Variants in GDAP2 observed in about 807,000 individuals in gnomAD.
GDAP2 encodes the protein ganglioside induced differentiation associated protein 2.
A neutral mutation model predicts 67.0 loss-of-function variants in GDAP2; 51 were observed. The ratio of observed to expected loss-of-function variants is 0.76; its 90% CI spans 0.61 to 0.96. The LOEUF (loss-of-function observed/expected upper bound fraction) is 0.96, where lower values mean the gene tolerates loss of function less well. GDAP2 is among the 40% of genes least tolerant of loss of function. GDAP2 has a pLI of 0.00. For synonymous variants in GDAP2, 203 were observed against 207.3 expected (o/e 0.98, Z 0.18); for missense variants, 547 against 588.3 (o/e 0.93, Z 0.73).
At chr1:117,883,688 G>T (rs1648750082) in intron 10 of GDAP2, 61 bp from the exon 11 acceptor site, 5 of 1,272,704 alleles carry the variant, frequency 3.9e-6, no homozygotes, top group Admixed American at 2.2e-5. Context: ...ATTTCACAGA[G>T]ACCAAGAAAA....
chr1:117,888,577 T>C (rs1204593427), intron 8 of GDAP2, among the ~76,000 whole-genome samples: 1 of 152,160 alleles, frequency 6.6e-6, no homozygotes, highest in Non-Finnish European at 1.5e-5. Context: ...CAGTGCTTTT[T>C]CTACTATATC....
At chr1:117,873,313 C>T (rs1250229856) in intron 13 of GDAP2, among the ~76,000 whole-genome samples, 1 of 152,078 alleles carries the variant, frequency 6.6e-6, no homozygotes, top group Admixed American at 6.6e-5. Context: ...AAAATAGCTT[C>T]TGATTACCTT....
intron 5 of GDAP2, among the ~76,000 whole-genome samples, chr1:117,909,415 C>T (rs1649773795): frequency 6.6e-6 from 1 of 152,064 alleles, no homozygotes; most frequent in Non-Finnish European, 1.5e-5. Context: ...CTTAATATAT[C>T]TATCAAAAAC....
chr1:117,890,457 A>C (rs1285418049), intron 8 of GDAP2, among the ~76,000 whole-genome samples: 2 of 152,068 alleles, frequency 1.3e-5, no homozygotes, highest in Non-Finnish European at 1.5e-5. Context: ...CTCTGAAAAA[A>C]ATTTTTTTTA....
At chr1:117,924,690 C>T (rs1478285046) in intron 1 of GDAP2, among the ~76,000 whole-genome samples, 1 of 152,100 alleles carries the variant, frequency 6.6e-6, no homozygotes, top group Non-Finnish European at 1.5e-5. Context: ...GTAGGTTAAA[C>T]AATGATAAAT....
chr1:117,884,111 A>G (rs1648766154), intron 10 of GDAP2, among the ~76,000 whole-genome samples: 1 of 152,168 alleles, frequency 6.6e-6, no homozygotes. Context: ...AATTACTATA[A>G]AAAGATGTAA....
Position 117,906,487 on chromosome 1 carries a change from G to GC in GDAP2, c.636+18_636+19insG. On this transcript the variant is annotated intron_variant, in intron 6 of 13. Coordinates refer to ENST00000369443, the MANE Select transcript of GDAP2 (RefSeq NM_017686.4). ...AAGATAGAAATAAGATTTAAATAAC[G>GC]TAACAGTTAGCAAAATACCTCTTCA... The GC allele has an allele frequency of 7.6e-7, 1 of 1,308,904 alleles. No individual in the cohort carries two copies. The highest frequency in any genetic ancestry group is 1.8e-5 in the Admixed American group (1 of 54,402). The allele number at this position is 1,308,904 out of a possible 1,614,324, so 81.1% of individuals were successfully genotyped here. A position where few individuals can be genotyped will look rare whatever the true frequency, so the allele number is the denominator to read the frequency against.
Position 117,870,394 on chromosome 1 carries a change from A to G in GDAP2, c.*175T>C, listed in dbSNP as rs1648214517. On this transcript the variant is annotated 3_prime_UTR_variant, in exon 14 of 14. Coordinates refer to ENST00000369443, the MANE Select transcript of GDAP2 (RefSeq NM_017686.4). ...AAATGTGTGCAGTTCAGAATGGCCT[A>G]CCATTTTTAGATTGCTTATGTGCCA... 6.7e-6 allele frequency: 4 copies of G among 597,920 alleles called. No homozygotes were observed. Among genetic ancestry groups the G allele is most frequent in the African/African-American group, 1.9e-5 (1 of 52,872 alleles). 37.0% of individuals were successfully genotyped at this position (597,920 alleles called of 1,614,324 possible).
Position 117,906,546 on chromosome 1 carries a change from G to A in GDAP2, c.596C>T (p.Thr199Ile). The change falls in exon 6 of 14, where the codon ACC becomes ATC. Residue 199 changes from threonine (T) to isoleucine (I), a missense_variant. Transcript: ENST00000369443. The stretch of plus-strand genomic sequence containing the variant: ...GACAGCAAATACTACTTTTTCAATG[G>A]TTTCCCCATGAATCTCTAGGAATCT... ...VRRFLEIHGE[T>I]IEKVVFAVSD... The A allele has an allele frequency of 6.3e-7, 1 of 1,578,756 alleles. No individual in the cohort carries two copies. Among genetic ancestry groups the A allele is most frequent in the Non-Finnish European group, 8.7e-7 (1 of 1,150,990 alleles).
chr1:117,917,496 T>C (rs1650090239), intron 3 of GDAP2, among the ~76,000 whole-genome samples: 2 of 152,202 alleles, frequency 1.3e-5, no homozygotes, highest in Non-Finnish European at 2.9e-5. Context: ...ATTAGTTTTT[T>C]CCATCTCCAA....
At chr1:117,908,932 T>A (rs1054860648) in intron 5 of GDAP2, among the ~76,000 whole-genome samples, 3 of 152,228 alleles carry the variant, frequency 2.0e-5, no homozygotes, top group African/African-American at 7.2e-5. Context: ...AATATAATTA[T>A]ATTATTTCCT....
At chr1:117,915,883 T>C (rs1002413015) in intron 3 of GDAP2, among the ~76,000 whole-genome samples, 2 of 152,226 alleles carry the variant, frequency 1.3e-5, no homozygotes, top group East Asian at 3.9e-4. Context: ...GAACACACCA[T>C]GATTATCATT....
At chr1:117,923,124 T>C (rs1355434629) in intron 1 of GDAP2, among the ~76,000 whole-genome samples, 2 of 152,254 alleles carry the variant, frequency 1.3e-5, no homozygotes, top group African/African-American at 4.8e-5. Flanking sequence ...GTTATCTCCC[T>C]TGTTCCCTGC....
chr1:117,920,137 G>T, intron 2 of GDAP2, 45 bp downstream of exon 2: 1 of 1,102,080 alleles, frequency 9.1e-7, no homozygotes, highest in South Asian at 1.5e-5. Context: ...AATAAATTAT[G>T]AGAAAGTGTT....
intron 3 of GDAP2, among the ~76,000 whole-genome samples, chr1:117,917,157 A>G (rs2101161737): frequency 6.6e-6 from 1 of 152,120 alleles, no homozygotes; most frequent in East Asian, 1.9e-4. Context: ...AAACTTTAAT[A>G]TTCATCTCTG....
Position 117,903,920 on chromosome 1 carries a change from G to A in GDAP2, c.636+2586C>T, listed in dbSNP as rs1015053544. ...TGTATAAGGTAAAATCTCAGACTCT[G>A]AGTCTTCAGACAACAATATTCTAGG... On this transcript the variant is annotated intron_variant, in intron 6 of 13. Coordinates refer to ENST00000369443, the MANE Select transcript of GDAP2 (RefSeq NM_017686.4). 2.6e-5 allele frequency among the ~76,000 whole-genome samples: 4 copies of A among 151,970 alleles called. No homozygotes were observed. The South Asian group carries it at 6.2e-4, about 24-fold the overall frequency.
chr1:117,890,212 T>G (rs562117415), intron 8 of GDAP2, among the ~76,000 whole-genome samples: 1 of 152,066 alleles, frequency 6.6e-6, no homozygotes, highest in African/African-American at 2.4e-5. Flanking sequence ...AGGAGCAGAG[T>G]GGAGGCAAAT....
intron 7 of GDAP2, among the ~76,000 whole-genome samples, chr1:117,898,248 G>T (rs1379075290): frequency 1.3e-5 from 2 of 152,124 alleles, no homozygotes; most frequent in African/African-American, 2.4e-5. Context: ...TTATTTCAAG[G>T]ATATACTATA....
At chr1:117,889,575 T>C (rs1648995280) in intron 8 of GDAP2, among the ~76,000 whole-genome samples, 1 of 152,126 alleles carries the variant, frequency 6.6e-6, no homozygotes, top group Non-Finnish European at 1.5e-5. Flanking sequence ...TATTTGTTTT[T>C]CTGTGCTTGA....
Sources: allele counts gnomAD v4.1 joint callset (sites outside exome capture counted in the v4.1 genomes callset), GRCh38; gene constraint gnomAD v4.1.1; transcripts MANE v1.5; gene names NCBI Gene and HGNC (gene_info 2026-07-23, HGNC 2026-07-21).